Variants in SUGT1 observed in about 807,000 individuals in gnomAD.
SUGT1 encodes the protein protein SGT1 homolog.
Under a neutral mutation model 56.1 loss-of-function variants are expected in SUGT1, and 15 were observed. The observed-to-expected ratio is 0.27, with a 90% CI of 0.18 to 0.41. The LOEUF (loss-of-function observed/expected upper bound fraction) is 0.41. SUGT1 is among the 10% of genes least tolerant of loss of function. SUGT1 has a pLI of 1.00. For missense variants in SUGT1, 347 were observed against 382.2 expected, an observed-to-expected ratio of 0.91 and a Z score of 0.77; for synonymous variants, 123 against 128.6, an observed-to-expected ratio of 0.96 and a Z score of 0.30.
At position 52,700,226 on chromosome 13, in the gene SUGT1, G is replaced by T. The variant is rs1467593109; in HGVS notation, c.*12391G>T. On this transcript the variant is annotated 3_prime_UTR_variant, in exon 13 of 13. Coordinates refer to ENST00000310528, the MANE Select transcript of SUGT1 (RefSeq NM_006704.5). The stretch of plus-strand genomic sequence containing the variant: ...CTGTGATAACATACACCCAAATAAA[G>T]ACTGCTATGTATTTGACTTTAAAAC... The T allele has an allele frequency of 6.6e-6, 1 of 152,048 alleles. No homozygotes were observed. The highest frequency in any genetic ancestry group is 1.5e-5 in the Non-Finnish European group (1 of 67,992). 9.4% of individuals were successfully genotyped at this position (152,048 alleles called of 1,614,324 possible).
intron 3 of SUGT1, 52 bp from the exon 4 acceptor site, chr13:52,658,347 A>G (rs1962260881): frequency 1.9e-6 from 3 of 1,600,068 alleles, no homozygotes; most frequent in Non-Finnish European, 2.6e-6. Context: ...TGTTGTGTGT[A>G]TTTGCTAGGA....
intron 9 of SUGT1, 83 bp from the exon 10 acceptor site, chr13:52,666,729 A>G: frequency 1.2e-6 from 1 of 850,610 alleles, no homozygotes; most frequent in Admixed American, 2.3e-5. Context: ...AACATTATTG[A>G]AGATTTGTCA....
At chr13:52,673,159 C>T (rs1016084637) in intron 10 of SUGT1, among the ~76,000 whole-genome samples, 3 of 152,088 alleles carry the variant, frequency 2.0e-5, no homozygotes, top group African/African-American at 2.4e-5. Context: ...CTTAAAACTT[C>T]ATTTTTAAAA....
chr13:52,686,830 G>A (rs1174092233), intron 12 of SUGT1, among the ~76,000 whole-genome samples: 2 of 152,046 alleles, frequency 1.3e-5, no homozygotes, highest in Non-Finnish European at 2.9e-5. Flanking sequence ...CAGCACTTTG[G>A]GAGGCCAAGG....
chr13:52,654,545 TAC>T (rs1332729500), intron 2 of SUGT1, among the ~76,000 whole-genome samples: 3 of 152,328 alleles, frequency 2.0e-5, no homozygotes, highest in East Asian at 1.9e-4. Flanking sequence ...CAGATTAAGA[TAC>T]AGAGTATCTC....
chr13:52,675,978 AAAG>A lies in SUGT1; in HGVS notation c.628-251_628-249del, dbSNP rs1356798465. Among the ~76,000 whole-genome samples the A allele has an allele frequency of 2.0e-5, 3 of 152,180 alleles. No homozygotes were observed. The East Asian group carries it at 5.8e-4, about 29-fold the overall frequency. On this transcript the variant is annotated intron_variant, in intron 10 of 12. Coordinates refer to ENST00000310528, the MANE Select transcript of SUGT1 (RefSeq NM_006704.5). Reference sequence around the variant, plus strand: ...TTCAGAACATTGCTTTGGATGAAAAAAAGCATATGTATTTCAAGTCTCTTCTTG... The same window carrying A: ...TTCAGAACATTGCTTTGGATGAAAAACATATGTATTTCAAGTCTCTTCTTG...
At chr13:52,685,069 CTTTTT>C (rs71094315) in intron 12 of SUGT1, among the ~76,000 whole-genome samples, 1 of 141,078 alleles carries the variant, frequency 7.1e-6, no homozygotes, top group South Asian at 2.3e-4. Context: ...CTTTTGGTGT[CTTTTT>C]TTTTTTTTTC....
chr13:52,663,205 T>TA, intron 7 of SUGT1, 93 bp downstream of exon 7: 2 of 1,287,178 alleles, frequency 1.6e-6, no homozygotes, highest in Non-Finnish European at 2.2e-6. Context: ...AGCTGTCTGA[T>TA]ATTTAAATAT....
At chr13:52,652,999 C>T (rs1253270616) in intron 1 of SUGT1, 41 bp downstream of exon 1, 1 of 1,614,074 alleles carries the variant, frequency 6.2e-7, no homozygotes, top group East Asian at 2.2e-5. Flanking sequence ...TTTTATCCCC[C>T]TTTCCTTGGC....
rs1430835611 is a variant in SUGT1, at chr13:52,699,545, T to C, written c.*11710T>C. ...TTAGGGCACATCCCATGGAGATCTT[T>C]TTTACTGCTTAATTTTTTGGAGTTA... is the stretch of plus-strand genomic sequence containing the variant. On this transcript the variant is annotated 3_prime_UTR_variant, in exon 13 of 13. Transcript: ENST00000310528. 2.0e-5 allele frequency: 3 copies of C among 152,194 alleles called. No individual in the cohort carries two copies. Among genetic ancestry groups the C allele is most frequent in the Admixed American group, 1.3e-4 (2 of 15,280 alleles). The allele number at this position is 152,194 out of a possible 1,614,324, so 9.4% of individuals were successfully genotyped here.
chr13:52,677,691 G>T (rs1217447742), intron 11 of SUGT1, among the ~76,000 whole-genome samples: 1 of 151,888 alleles, frequency 6.6e-6, no homozygotes, highest in African/African-American at 2.4e-5. Flanking sequence ...TTCTCAGTTG[G>T]GTCCAGTTAT....
At chr13:52,655,138 A>AT (rs1260202620) in intron 2 of SUGT1, among the ~76,000 whole-genome samples, 4 of 152,116 alleles carry the variant, frequency 2.6e-5, no homozygotes, top group Non-Finnish European at 5.9e-5. Flanking sequence ...GAGGTCAGGA[A>AT]TTCGAGACCA....
chr13:52,658,551 T>C (rs1442044396), intron 4 of SUGT1, 83 bp downstream of exon 4: 11 of 1,304,766 alleles, frequency 8.4e-6, no homozygotes, highest in Non-Finnish European at 9.5e-6. Context: ...GCAAGCTTTA[T>C]ATAAGTTGTA....
Position 52,664,055 on chromosome 13 carries a change from C to G in SUGT1, c.420C>G (p.Ile140Met), listed in dbSNP as rs1962576431. The change falls in exon 8 of 13, where the codon ATC becomes ATG. Residue 140 changes from isoleucine to methionine, a missense_variant and splice_region_variant. Ile to Met is a conservative substitution (Grantham distance 10). Coordinates refer to ENST00000310528, the MANE Select transcript of SUGT1 (RefSeq NM_006704.5). ...CCCAGTGGACTCATCAGTCAAAAAT[C>G]AAGTGAGTGTTTCTTTTTCATAAAA... The part of the protein sequence containing the change: ...ESEVWTHQSK[I>M]KYDWYQTESQ... 3.7e-6 allele frequency: 6 copies of G among 1,612,990 alleles called. No individual in the cohort carries two copies. The highest frequency in any genetic ancestry group is 5.1e-6 in the Non-Finnish European group (6 of 1,179,442).
At chr13:52,653,521 CT>C (rs1287019857) in intron 2 of SUGT1, among the ~76,000 whole-genome samples, 1 of 152,182 alleles carries the variant, frequency 6.6e-6, no homozygotes, top group African/African-American at 2.4e-5. Context: ...GAGCAAAACC[CT>C]TTTCCCTCAC....
At chr13:52,680,494 A>C (rs973676566) in intron 12 of SUGT1, among the ~76,000 whole-genome samples, 1 of 152,172 alleles carries the variant, frequency 6.6e-6, no homozygotes, top group Non-Finnish European at 1.5e-5. Flanking sequence ...GAGATGAAGA[A>C]TATAGATACG....
In SUGT1 at chr13:52,676,308, C is replaced by G. The variant is rs146688624; in HGVS notation, c.706C>G (p.Gln236Glu). The stretch of plus-strand genomic sequence containing the variant: ...GCAAGGAGATGTGCCTACGCCAAAA[C>G]AATTCGTAGCAGGTTTGTTTTCTGG... The part of the protein sequence containing the change: ...EGQGDVPTPK[Q>E]FVADVKNLYP... Residue 236 changes from glutamine to glutamate, a missense_variant, in exon 11 of 13, where the codon CAA becomes GAA. Gln to Glu is a conservative substitution (Grantham distance 29, BLOSUM62 2). Transcript: ENST00000310528. The G allele has an allele frequency of 1.7e-5, 27 of 1,611,598 alleles. No individual in the cohort carries two copies. Among genetic ancestry groups the G allele is most frequent in the Middle Eastern group, 1.6e-4 (1 of 6,080 alleles).
At chr13:52,654,969 A>G (rs1476715853) in intron 2 of SUGT1, among the ~76,000 whole-genome samples, 2 of 152,218 alleles carry the variant, frequency 1.3e-5, no homozygotes, top group African/African-American at 2.4e-5. Flanking sequence ...AGAATTGCCT[A>G]GGATAGTCAT....
rs1963732817 is a variant in SUGT1, at chr13:52,690,063, T to A, written c.*2228T>A. 2.0e-5 allele frequency: 3 copies of A among 152,198 alleles called. No individual in the cohort carries two copies. The highest frequency in any genetic ancestry group is 2.0e-4 in the Admixed American group (3 of 15,276). 9.4% of individuals were successfully genotyped at this position (152,198 alleles called of 1,614,324 possible). A position where few individuals can be genotyped will look rare whatever the true frequency, so the allele number is the denominator to read the frequency against. On this transcript the variant is annotated 3_prime_UTR_variant, in exon 13 of 13. Coordinates refer to ENST00000310528, the MANE Select transcript of SUGT1 (RefSeq NM_006704.5). ...ATGCTTACCCATTGGCTAGATTTGC[T>A]AAGTGTTGTGGGATTTGGGATTTTG...
Sources: gnomAD v4.1 joint callset for allele counts (sites outside exome capture counted in the v4.1 genomes callset) on GRCh38, gnomAD v4.1.1 for gene constraint, MANE v1.5 for transcripts, NCBI Gene and HGNC (gene_info 2026-07-23, HGNC 2026-07-21) for gene names.